Variants in ZNF469 observed in about 807,000 individuals in gnomAD.
ZNF469 encodes the protein zinc finger protein 469.
Under a neutral mutation model 1.0 loss-of-function variants are expected in ZNF469, and 1 was observed. The ratio of observed to expected loss-of-function variants is 1.00; its 90% CI spans 0.35 to 4.73. The LOEUF is 4.73. ZNF469 is among the 30% of genes most tolerant of loss of function. The probability of loss-of-function intolerance (pLI) is 0.16; values close to 1 mark genes in which losing one functional copy is unlikely to be tolerated. For missense variants in ZNF469, 6,100 were observed against 5,356.3 expected (o/e 1.14, Z -4.33); for synonymous variants, 2,703 against 2,363.4 (o/e 1.14, Z -4.17).
At chr16:88,143,196 C>T in the ZNF469 span, among the ~76,000 whole-genome samples, 2 of 152,230 alleles carry the variant, frequency 1.3e-5, no homozygotes, top group East Asian at 1.9e-4. Context: ...TCAGTCATGG[C>T]ATCAGGGGCA....
At chr16:88,292,589 T>A in the ZNF469 span, among the ~76,000 whole-genome samples, 2 of 151,564 alleles carry the variant, frequency 1.3e-5, no homozygotes, top group South Asian at 2.1e-4. Context: ...TACAGCTAAG[T>A]CGGGTGGGTG....
At chr16:88,283,184 C>T in the ZNF469 span, among the ~76,000 whole-genome samples, 15 of 151,838 alleles carry the variant, frequency 9.9e-5, no homozygotes, top group East Asian at 1.7e-3. Flanking sequence ...TGGGAAGGAA[C>T]GTTTCTGGGG....
the ZNF469 span, among the ~76,000 whole-genome samples, chr16:88,166,774 C>CAG: frequency 6.7e-6 from 1 of 150,294 alleles, no homozygotes; most frequent in South Asian, 2.1e-4. The surrounding 1 kb of genome is among the most constrained non-coding windows in gnomAD (Gnocchi z 4.5). Flanking sequence ...GAATCATAAA[C>CAG]ACACACACAC....
At chr16:88,140,940 C>A in the ZNF469 span, among the ~76,000 whole-genome samples, 1 of 151,910 alleles carries the variant, frequency 6.6e-6, no homozygotes, top group Non-Finnish European at 1.5e-5. Context: ...CTCAAAAAAA[C>A]AAACAAACAA....
the ZNF469 span, among the ~76,000 whole-genome samples, chr16:88,282,760 C>CA: frequency 6.6e-6 from 1 of 152,186 alleles, no homozygotes; most frequent in Admixed American, 6.5e-5. Context: ...ATCCCTGTTA[C>CA]CAGAGCAGGA....
the ZNF469 span, among the ~76,000 whole-genome samples, chr16:88,136,606 C>T: frequency 3.5e-4 from 53 of 152,356 alleles, no homozygotes; most frequent in Middle Eastern, 3.4e-3. Context: ...GGGCCCCGCC[C>T]GTGGGGGCCC....
chr16:88,432,832 C>T lies in ZNF469; in HGVS notation c.5362C>T (p.Arg1788Ter). ...PEPGTADQPH[R>*]GAPAPEAFGS... ...GCCCGGCACAGCAGACCAGCCCCACCGAGGGGCCCCTGCTCCAGAAGCTTT... is the reference window on the plus strand; with the variant it reads ...GCCCGGCACAGCAGACCAGCCCCACTGAGGGGCCCCTGCTCCAGAAGCTTT... The change falls in exon 3 of 3, where the codon CGA becomes TGA. Residue 1788 changes from arginine (R) to a stop codon, truncating the protein, a stop_gained. Coordinates refer to ENST00000565624, the MANE Select transcript of ZNF469 (RefSeq NM_001367624.2). LOFTEE classifies it low-confidence loss of function (END_TRUNC). 10 of 1,550,328 alleles carry T rather than the reference C, an allele frequency of 6.5e-6. No individual in the cohort carries two copies. The highest frequency in any genetic ancestry group is 7.0e-6 in the Non-Finnish European group (8 of 1,146,980).
chr16:88,159,543 C>T, the ZNF469 span, among the ~76,000 whole-genome samples: 2 of 152,076 alleles, frequency 1.3e-5, no homozygotes, highest in African/African-American at 2.4e-5. Flanking sequence ...TGGAGCGCAG[C>T]GTACGGAGAG....
chr16:88,133,439 G>A, the ZNF469 span, among the ~76,000 whole-genome samples: 2 of 152,182 alleles, frequency 1.3e-5, no homozygotes, highest in South Asian at 4.1e-4. Flanking sequence ...TCACACAGAT[G>A]GTGGGAATGG....
At chr16:88,292,896 G>C in the ZNF469 span, among the ~76,000 whole-genome samples, 2 of 151,750 alleles carry the variant, frequency 1.3e-5, no homozygotes, top group Non-Finnish European at 2.9e-5. Flanking sequence ...ATCGGACACT[G>C]GTCCGCTAGA....
At chr16:88,334,473 T>C in the ZNF469 span, among the ~76,000 whole-genome samples, 1 of 152,184 alleles carries the variant, frequency 6.6e-6, no homozygotes, top group Non-Finnish European at 1.5e-5. Flanking sequence ...GAGCATCATG[T>C]CAGAGCTCAA....
chr16:88,273,839 C>G, the ZNF469 span, among the ~76,000 whole-genome samples: 1 of 146,590 alleles, frequency 6.8e-6, no homozygotes, highest in African/African-American at 2.5e-5. Flanking sequence ...GAGTCTCGCT[C>G]TGTCGCCCAG....
the ZNF469 span, among the ~76,000 whole-genome samples, chr16:88,247,891 A>C: frequency 6.6e-6 from 1 of 152,362 alleles, no homozygotes; most frequent in Admixed American, 6.5e-5. Flanking sequence ...TCATGTCCAG[A>C]TTTGAGTCTT....
the ZNF469 span, among the ~76,000 whole-genome samples, chr16:88,356,868 G>GCAGACTCTT: frequency 7.7e-3 from 1,166 of 152,352 alleles, 15 homozygotes; most frequent in African/African-American, 0.027. Context: ...GCCAGGGTCC[G>GCAGACTCTT]CAGACTCTTG....
chr16:88,150,449 C>T, the ZNF469 span, among the ~76,000 whole-genome samples: 1 of 152,200 alleles, frequency 6.6e-6, no homozygotes, highest in African/African-American at 2.4e-5. Flanking sequence ...GCCATAGCAT[C>T]TGGGTAAAAT....
the ZNF469 span, among the ~76,000 whole-genome samples, chr16:88,324,698 G>A: frequency 7.1e-4 from 108 of 152,308 alleles, no homozygotes; most frequent in African/African-American, 2.5e-3. Flanking sequence ...TGCGAATTAA[G>A]GGGAAGGTTA....
chr16:88,229,293 C>G, the ZNF469 span, among the ~76,000 whole-genome samples: 7 of 152,368 alleles, frequency 4.6e-5, no homozygotes, highest in African/African-American at 1.7e-4. Flanking sequence ...GCCTCCTCCG[C>G]GAGCAGCCCG....
chr16:88,292,116 G>A, the ZNF469 span, among the ~76,000 whole-genome samples: 2 of 152,210 alleles, frequency 1.3e-5, no homozygotes, highest in African/African-American at 4.8e-5. Flanking sequence ...GCCATGTGGG[G>A]CCTGGAGAAT....
intron 1 of ZNF469, among the ~76,000 whole-genome samples, chr16:88,406,552 T>G (rs746592411): frequency 1.3e-5 from 2 of 152,136 alleles, no homozygotes; most frequent in Non-Finnish European, 2.9e-5. Context: ...TTGGTTCTTC[T>G]CATTACAAAA....
Sources: gnomAD v4.1 joint callset for allele counts (sites outside exome capture counted in the v4.1 genomes callset) on GRCh38, gnomAD v4.1.1 for gene constraint, Gnocchi (gnomAD v3.1) non-coding constraint, MANE v1.5 for transcripts, NCBI Gene and HGNC (gene_info 2026-07-23, HGNC 2026-07-21) for gene names.